Variants in IL1RAPL2 observed in about 807,000 individuals in gnomAD.
The protein encoded by IL1RAPL2 is interleukin 1 receptor accessory protein like 2, also known as X-linked interleukin-1 receptor accessory protein-like 2.
Under a neutral mutation model 44.1 loss-of-function variants are expected in IL1RAPL2, and 3 were observed. That is an observed-to-expected ratio of 0.07 (90% CI 0.03 to 0.18). IL1RAPL2 has a LOEUF of 0.18. Among genes scored for constraint, IL1RAPL2 ranks in the 10% least tolerant of loss-of-function variants. The probability of loss-of-function intolerance (pLI) is 1.00; values close to 1 mark genes in which losing one functional copy is unlikely to be tolerated. For missense variants in IL1RAPL2, 391 were observed against 496.4 expected, an observed-to-expected ratio of 0.79 and a Z score of 2.02; for synonymous variants, 181 against 178.8, an observed-to-expected ratio of 1.01 and a Z score of -0.10.
At chrX:105,292,421 ATCCACACTTTTTTGAAAAGGCT>A in intron 5 of IL1RAPL2, among the ~76,000 whole-genome samples, 1 of 112,228 alleles carries the variant, frequency 8.9e-6, no homozygotes, top group Non-Finnish European at 1.9e-5. Context: ...GAAGAAGATC[ATCCACACTTTTTTGAAAAGGCT>A]GTTAAAATAC....
At chrX:104,672,798 G>A (rs1363778691) in intron 2 of IL1RAPL2, among the ~76,000 whole-genome samples, 4 of 109,695 alleles carry the variant, frequency 3.6e-5, no homozygotes, top group Non-Finnish European at 7.6e-5. Context: ...TCTAACTGGT[G>A]TGAGATGGTA....
Position 105,138,473 on chromosome X carries a change from C to CA in IL1RAPL2, c.83-56982dup, listed in dbSNP as rs371757842. 2.1e-3 allele frequency among the ~76,000 whole-genome samples: 117 copies of CA among 54,431 alleles called. 1 individual carries two copies. The highest frequency in any genetic ancestry group is 6.0e-3 in the South Asian group (5 of 828). 47.3% of individuals were successfully genotyped at this position (54,431 alleles called of 115,157 possible). Reference sequence around the variant, plus strand: ...TTATAATCCAATGACATATAATTACCAAAAAAAAAAAAAAAAAAAAGCAGA... The same window carrying CA: ...TTATAATCCAATGACATATAATTACCAAAAAAAAAAAAAAAAAAAAAGCAGA... On this transcript the variant is annotated intron_variant, in intron 2 of 10. Transcript: ENST00000372582.
chrX:105,691,967 G>A (rs948278246), intron 6 of IL1RAPL2, among the ~76,000 whole-genome samples: 1 of 111,350 alleles, frequency 9.0e-6, no homozygotes, highest in Non-Finnish European at 1.9e-5. Context: ...CAGGGCACAA[G>A]TTTTCCACTG....
intron 2 of IL1RAPL2, among the ~76,000 whole-genome samples, chrX:104,778,884 T>A (rs185694359): frequency 9.1e-6 from 1 of 110,356 alleles, no homozygotes; most frequent in Non-Finnish European, 1.9e-5. Flanking sequence ...TCAAACCAAG[T>A]TTCAAATTGC....
rs763751177 is a variant in IL1RAPL2, at chrX:104,829,431, T to C, written c.82+170436T>C. 6.3e-5 allele frequency among the ~76,000 whole-genome samples: 7 copies of C among 111,802 alleles called. No individual in the cohort carries two copies. The South Asian group carries it at 1.1e-3, about 18-fold the overall frequency. ...TCCCAGTTTAGGTGACACCCCACCCTGCTTCTGCTCGCTCTCCATGGGCTG... is the reference window on the plus strand; with the variant it reads ...TCCCAGTTTAGGTGACACCCCACCCCGCTTCTGCTCGCTCTCCATGGGCTG... On this transcript the variant is annotated intron_variant, in intron 2 of 10. Transcript: ENST00000372582.
At chrX:105,129,965 C>G (rs181438382) in intron 2 of IL1RAPL2, among the ~76,000 whole-genome samples, 6 of 111,125 alleles carry the variant, frequency 5.4e-5, no homozygotes, top group African/African-American at 2.0e-4. Flanking sequence ...GTTGCTGCTG[C>G]TGGTGCTAAT....
chrX:105,013,702 T>A (rs2031110030), intron 2 of IL1RAPL2, among the ~76,000 whole-genome samples: 1 of 111,200 alleles, frequency 9.0e-6, no homozygotes, highest in African/African-American at 3.3e-5. Flanking sequence ...TTGAAATACC[T>A]AATTTCTTGC....
intron 2 of IL1RAPL2, among the ~76,000 whole-genome samples, chrX:104,967,540 A>G (rs926314474): frequency 9.9e-5 from 11 of 111,156 alleles, no homozygotes; most frequent in Non-Finnish European, 2.1e-4. Context: ...AAAGAAAATA[A>G]GAGGAGGACA....
At chrX:105,109,351 C>G (rs1258431065) in intron 2 of IL1RAPL2, among the ~76,000 whole-genome samples, 1 of 112,219 alleles carries the variant, frequency 8.9e-6, no homozygotes, top group Non-Finnish European at 1.9e-5. Context: ...AACGTAGACA[C>G]TGCCCACATC....
intron 5 of IL1RAPL2, among the ~76,000 whole-genome samples, chrX:105,363,822 T>G (rs2035272374): frequency 9.0e-6 from 1 of 111,272 alleles, no homozygotes; most frequent in African/African-American, 3.3e-5. Context: ...TTGAGTTATT[T>G]GGGTTCCTTA....
chrX:104,631,308 T>G (rs1416863538), intron 1 of IL1RAPL2, among the ~76,000 whole-genome samples: 3 of 112,159 alleles, frequency 2.7e-5, no homozygotes, highest in African/African-American at 9.7e-5. Context: ...TATGTGTGCA[T>G]GTGTCTTTAT....
At chrX:105,666,904 G>A (rs1030883390) in intron 6 of IL1RAPL2, among the ~76,000 whole-genome samples, 1 of 111,724 alleles carries the variant, frequency 9.0e-6, no homozygotes, top group Non-Finnish European at 1.9e-5. Flanking sequence ...CCATTCATAG[G>A]CTCTCTGTAG....
intron 5 of IL1RAPL2, among the ~76,000 whole-genome samples, chrX:105,298,017 G>T (rs1344417442): frequency 1.8e-5 from 2 of 108,224 alleles, no homozygotes. Flanking sequence ...TGTATTTTTG[G>T]TATAAACATG....
chrX:105,063,577 CTG>C (rs1281713346), intron 2 of IL1RAPL2, among the ~76,000 whole-genome samples: 1 of 112,318 alleles, frequency 8.9e-6, no homozygotes, highest in African/African-American at 3.2e-5. Context: ...TGATTCAAGA[CTG>C]TCTTCTATCC....
chrX:105,520,267 C>T (rs1179049972), intron 6 of IL1RAPL2, among the ~76,000 whole-genome samples: 1 of 112,104 alleles, frequency 8.9e-6, no homozygotes, highest in Non-Finnish European at 1.9e-5. Context: ...ATCTATATTG[C>T]TTATACCTAA....
At chrX:104,817,260 T>G (rs2147621615) in intron 2 of IL1RAPL2, among the ~76,000 whole-genome samples, 1 of 112,548 alleles carries the variant, frequency 8.9e-6, no homozygotes, top group South Asian at 3.7e-4. Flanking sequence ...GTAGGCCAGA[T>G]AATTTCTTTA....
chrX:105,334,607 A>T (rs1371207756), intron 5 of IL1RAPL2, among the ~76,000 whole-genome samples: 2 of 111,963 alleles, frequency 1.8e-5, no homozygotes, highest in Non-Finnish European at 3.8e-5. Flanking sequence ...CTGTGTCAAA[A>T]TATCTCATGT....
chrX:104,576,752 A>C (rs769345481), intron 1 of IL1RAPL2, among the ~76,000 whole-genome samples: 2 of 111,654 alleles, frequency 1.8e-5, no homozygotes, highest in Admixed American at 1.9e-4. Flanking sequence ...ATCTGATTCT[A>C]GACTCATTAT....
At chrX:105,074,827 A>G (rs1602937289) in intron 2 of IL1RAPL2, among the ~76,000 whole-genome samples, 1 of 109,273 alleles carries the variant, frequency 9.2e-6, no homozygotes, top group East Asian at 2.9e-4. Context: ...TTCACTCATG[A>G]TTTGGCTCTC....
Sources: allele counts gnomAD v4.1 joint callset (sites outside exome capture counted in the v4.1 genomes callset), GRCh38; gene constraint gnomAD v4.1.1; transcripts MANE v1.5; gene names NCBI Gene and HGNC (gene_info 2026-07-23, HGNC 2026-07-21).